The following UNC45A variants were observed in gnomAD, a reference collection of about 807,000 sequenced individuals.
UNC45A encodes the protein protein unc-45 homolog A.
UNC45A carries 78 observed loss-of-function variants against 103.2 expected under a neutral mutation model. That is an observed-to-expected ratio of 0.76 (90% CI 0.63 to 0.91). The LOEUF (loss-of-function observed/expected upper bound fraction) is 0.91, where lower values mean the gene tolerates loss of function less well. Among genes scored for constraint, UNC45A ranks in the 40% least tolerant of loss-of-function variants. The pLI is 0.00. For synonymous variants in UNC45A, 495 were observed against 504.6 expected, an observed-to-expected ratio of 0.98 and a Z score of 0.25; for missense variants, 1,193 against 1,224.8, an observed-to-expected ratio of 0.97 and a Z score of 0.39.
chr15:90,931,025 A>T, upstream of UNC45A: 1 of 477,180 alleles, frequency 2.1e-6, no homozygotes, highest in Non-Finnish European at 3.8e-6. Flanking sequence ...GCAAAATAGC[A>T]AACAGACCCA....
At chr15:90,931,814 C>G, upstream of UNC45A, 2 of 1,614,164 alleles carry the variant, frequency 1.2e-6, no homozygotes, top group Non-Finnish European at 1.7e-6. Context: ...CAGCCTCTTT[C>G]TCTCCAGCTT....
At chr15:90,947,232 G>A (rs1455794560) in intron 10 of UNC45A, 4 of 344,622 alleles carry the variant, frequency 1.2e-5, no homozygotes, top group Non-Finnish European at 2.2e-5. Context: ...CTTGTGGTGA[G>A]AGACATCGGC....
intron 1 of UNC45A, 36 bp from the exon 2 acceptor site, chr15:90,935,508 C>A (rs200296451): frequency 1.9e-6 from 3 of 1,576,778 alleles, no homozygotes; most frequent in East Asian, 2.2e-5. Context: ...CTGCCCCGAA[C>A]CCCCTCCGAC....
At chr15:90,937,557 G>A (rs1413875661) in intron 4 of UNC45A, among the ~76,000 whole-genome samples, 3 of 151,328 alleles carry the variant, frequency 2.0e-5, no homozygotes, top group Non-Finnish European at 2.9e-5. Flanking sequence ...TGCGAACTTG[G>A]CTCACTGCAA....
intron 9 of UNC45A, 127 bp from the exon 10 acceptor site, chr15:90,946,487 C>T: frequency 9.2e-7 from 1 of 1,084,494 alleles, no homozygotes; most frequent in African/African-American, 1.6e-5. Flanking sequence ...CCTAGTCCTC[C>T]CATTGGCAGC....
rs574204332 is a variant in UNC45A, at chr15:90,944,283, A to T, written c.1028-609A>T. ...GCACCTGTAATCCCAGCTATTCTGGAGGCTGAGGCAGGAGAATCACTTGAA... is the reference window on the plus strand; with the variant it reads ...GCACCTGTAATCCCAGCTATTCTGGTGGCTGAGGCAGGAGAATCACTTGAA... On this transcript the variant is annotated intron_variant, in intron 8 of 19. Transcript: ENST00000418476. Among the ~76,000 whole-genome samples, 264 of 151,980 alleles carry T rather than the reference A, an allele frequency of 1.7e-3. 1 individual carries two copies. The highest frequency in any genetic ancestry group is 3.1e-3 in the Non-Finnish European group (211 of 67,938).
At chr15:90,941,932 C>G (rs987281513) in intron 6 of UNC45A, among the ~76,000 whole-genome samples, 3 of 145,650 alleles carry the variant, frequency 2.1e-5, no homozygotes, top group Admixed American at 7.1e-5. Flanking sequence ...GCACTCCAGC[C>G]TGGGCGACAG....
At position 90,953,254 on chromosome 15, in the gene UNC45A, G is replaced by A; in HGVS notation, c.2521G>A (p.Gly841Ser). ...DELLQRAAAG[G>S]LAMLTSMRPT... ...GCTGCTACAGCGGGCAGCTGCCGGG[G>A]GCTTGGCCATGCTTACCTCCATGCG... The change falls in exon 19 of 20, where the codon GGC becomes AGC. Residue 841 changes from glycine to serine, a missense_variant. Gly to Ser is a moderately conservative substitution (Grantham distance 56). Transcript: ENST00000418476. 1 of 1,613,648 alleles carries A rather than the reference G, an allele frequency of 6.2e-7. No homozygotes were observed. Among genetic ancestry groups the A allele is most frequent in the Non-Finnish European group, 8.5e-7 (1 of 1,180,008 alleles).
upstream of UNC45A, chr15:90,934,414 C>T: frequency 2.5e-6 from 1 of 399,142 alleles, no homozygotes; most frequent in Non-Finnish European, 4.4e-6. Context: ...TTCTTTTGCC[C>T]TCGTCTGTCT....
At chr15:90,939,342 C>T (rs1445243530) in intron 4 of UNC45A, among the ~76,000 whole-genome samples, 1 of 152,200 alleles carries the variant, frequency 6.6e-6, no homozygotes, top group African/African-American at 2.4e-5. Flanking sequence ...TAGCAACTAC[C>T]TCACGATCTG....
upstream of UNC45A, chr15:90,935,168 C>A: frequency 2.8e-6 from 2 of 717,754 alleles, no homozygotes; most frequent in Non-Finnish European, 4.6e-6. Context: ...CCAAGCGCCC[C>A]GCCCCTGCCC....
chr15:90,941,839 A>G (rs559464178), intron 6 of UNC45A, among the ~76,000 whole-genome samples: 5 of 151,964 alleles, frequency 3.3e-5, no homozygotes, highest in Admixed American at 6.6e-5. Flanking sequence ...GGCGCCTGTA[A>G]TCCCAGTTAC....
At chr15:90,938,388 A>G (rs1210515079) in intron 4 of UNC45A, among the ~76,000 whole-genome samples, 4 of 152,186 alleles carry the variant, frequency 2.6e-5, no homozygotes, top group Non-Finnish European at 2.9e-5. Flanking sequence ...ATGATGGCAG[A>G]CACCTCACTG....
Position 90,953,190 on chromosome 15 carries a change from A to C in UNC45A, c.2457A>C (p.Arg819=), listed in dbSNP as rs901407422. The C allele has an allele frequency of 6.2e-7, 1 of 1,613,898 alleles. No homozygotes were observed. Among genetic ancestry groups the C allele is most frequent in the Non-Finnish European group, 8.5e-7 (1 of 1,179,992 alleles). Residue 819 remains arginine, a synonymous_variant, in exon 19 of 20, where the codon CGA becomes CGC. Transcript: ENST00000418476. ...QDLFEAQGND[R]LKLLVLYSGE... is the part of the protein sequence containing the mutation. ...TCTTCGAAGCCCAGGGCAATGACCG[A>C]CTGAAGCTGCTGGTGCTGTACAGTG...
chr15:90,943,963 A>ACC (rs2036424172), intron 8 of UNC45A, among the ~76,000 whole-genome samples: 2 of 133,954 alleles, frequency 1.5e-5, no homozygotes, highest in Admixed American at 7.7e-5. Context: ...TGTTGGGATT[A>ACC]CCGTCATGAG....
Position 90,942,472 on chromosome 15 carries a change from A to T in UNC45A, c.723A>T (p.Arg241=). The change falls in exon 7 of 20, where the codon CGA becomes CGT. Residue 241 remains arginine, a synonymous_variant. Transcript: ENST00000418476. ...CCCTGAGCATACTGGGAACTCGGCG[A>T]GTAGTCTCCATCCTGGGCGTGGAAA... is the stretch of plus-strand genomic sequence containing the variant. The part of the protein sequence containing the change: ...VATLSILGTR[R]VVSILGVESQ... The T allele has an allele frequency of 6.2e-7, 1 of 1,613,990 alleles. No individual in the cohort carries two copies. Among genetic ancestry groups the T allele is most frequent in the Non-Finnish European group, 8.5e-7 (1 of 1,179,954 alleles).
upstream of UNC45A, chr15:90,934,963 G>A: frequency 2.1e-6 from 1 of 481,866 alleles, no homozygotes; most frequent in East Asian, 3.5e-5. Context: ...CCCGCTCCTA[G>A]TGCTGGGCCT....
chr15:90,948,637 CCT>C lies in UNC45A; in HGVS notation c.1738-14_1738-13del, dbSNP rs2151373057. ...CTGCCCCGGGATGCCCATGTGAATTCCTCTGTGTCCTGGCAGTTGGAGGAGAG... is the reference window on the plus strand; with the variant it reads ...CTGCCCCGGGATGCCCATGTGAATTCCTGTGTCCTGGCAGTTGGAGGAGAG... On this transcript the variant is annotated splice_polypyrimidine_tract_variant and intron_variant, in intron 12 of 19. Coordinates refer to ENST00000418476, the MANE Select transcript of UNC45A (RefSeq NM_018671.5). The C allele has an allele frequency of 6.2e-7, 1 of 1,612,602 alleles. No individual in the cohort carries two copies. The highest frequency in any genetic ancestry group is 8.5e-7 in the Non-Finnish European group (1 of 1,178,772).
At chr15:90,941,450 GA>G (rs1341498488) in intron 6 of UNC45A, among the ~76,000 whole-genome samples, 1 of 152,204 alleles carries the variant, frequency 6.6e-6, no homozygotes, top group African/African-American at 2.4e-5. Context: ...GTGAAACTGT[GA>G]AATAGTCAAT....
Sources: gnomAD v4.1 joint callset for allele counts (sites outside exome capture counted in the v4.1 genomes callset) on GRCh38, gnomAD v4.1.1 for gene constraint, MANE v1.5 for transcripts, NCBI Gene and HGNC (gene_info 2026-07-23, HGNC 2026-07-21) for gene names.